Variants in ST3GAL4 observed in about 807,000 individuals in gnomAD.
ST3GAL4 encodes the protein ST3 beta-galactoside alpha-2,3-sialyltransferase 4.
Under a neutral mutation model 42.6 loss-of-function variants are expected in ST3GAL4, and 24 were observed. The observed-to-expected ratio is 0.56, with a 90% CI of 0.41 to 0.79. The LOEUF is 0.79. ST3GAL4 is among the 30% of genes least tolerant of loss of function. The probability of loss-of-function intolerance (pLI) is 0.00; values close to 1 mark genes in which losing one functional copy is unlikely to be tolerated. For synonymous variants in ST3GAL4, 135 were observed against 163.2 expected (o/e 0.83, Z 1.32); for missense variants, 311 against 430.8 (o/e 0.72, Z 2.46).
chr11:126,396,686 G>A lies in ST3GAL4; in HGVS notation c.-60-9410G>A, dbSNP rs1178045620. Among the ~76,000 whole-genome samples, 1 of 151,282 alleles carries A rather than the reference G, an allele frequency of 6.6e-6. No individual in the cohort carries two copies. The highest frequency in any genetic ancestry group is 1.5e-5 in the Non-Finnish European group (1 of 67,922). On this transcript the variant is annotated intron_variant, in intron 1 of 10. Transcript: ENST00000444328. The surrounding 1 kb of genome is among the most constrained non-coding windows in gnomAD (Gnocchi z 5.8). ...ACATCCCGGGGATCGTGGAGTCTAG[G>A]GAGCCAGTCTGCACGGGATGGTTTT...
In ST3GAL4 at chr11:126,396,488, C is replaced by T. The variant is rs185240859; in HGVS notation, c.-60-9608C>T. ...TGAATACAGCTGTGTGCCTTGAACA[C>T]GTACTGCAGAGCTTCCAGAGAGCAC... On this transcript the variant is annotated intron_variant, in intron 1 of 10. Coordinates refer to ENST00000444328, the MANE Select transcript of ST3GAL4 (RefSeq NM_001254757.2). The surrounding 1 kb of genome is among the most constrained non-coding windows in gnomAD (Gnocchi z 5.8). Among the ~76,000 whole-genome samples the T allele has an allele frequency of 2.2e-4, 34 of 152,086 alleles. No individual in the cohort carries two copies. Among genetic ancestry groups the T allele is most frequent in the African/African-American group, 6.5e-4 (27 of 41,360 alleles).
At chr11:126,358,377 T>C in intron 1 of ST3GAL4, 1 of 383,652 alleles carries the variant, frequency 2.6e-6, no homozygotes, top group Non-Finnish European at 5.3e-6. Context: ...GGGTGACTCT[T>C]GTTATTAACC....
chr11:126,405,207 G>A (rs1954170420), intron 1 of ST3GAL4, among the ~76,000 whole-genome samples: 1 of 152,244 alleles, frequency 6.6e-6, no homozygotes, highest in African/African-American at 2.4e-5. Context: ...GGCATCTGGT[G>A]CCTCTGTGTG....
Position 126,406,345 on chromosome 11 carries a change from G to A in ST3GAL4, c.17-128G>A. On this transcript the variant is annotated intron_variant, in intron 2 of 10. Transcript: ENST00000444328. The surrounding 1 kb of genome is among the most constrained non-coding windows in gnomAD (Gnocchi z 5.4). The stretch of plus-strand genomic sequence containing the variant: ...GGGTCAAGCCCTCAGCCAGGGCCAG[G>A]AGAGGGCCAGAGACTGCTTCTGTTG... The A allele has an allele frequency of 6.4e-7, 1 of 1,551,302 alleles. No individual in the cohort carries two copies. The highest frequency in any genetic ancestry group is 8.7e-7 in the Non-Finnish European group (1 of 1,148,094).
At position 126,378,942 on chromosome 11, in the gene ST3GAL4, C is replaced by T. The variant is rs768723267; in HGVS notation, c.-61+23100C>T. Among the ~76,000 whole-genome samples, 1 of 152,196 alleles carries T rather than the reference C, an allele frequency of 6.6e-6. No individual in the cohort carries two copies. The highest frequency in any genetic ancestry group is 1.5e-5 in the Non-Finnish European group (1 of 68,042). ...TTGAGTACAGAGGGATTCTGGAACA[C>T]TGCCCAGATTTGGCCCAGTTCCATT... On this transcript the variant is annotated intron_variant, in intron 1 of 10. Transcript: ENST00000444328. This position sits in a 1 kb window ranked among gnomAD's most constrained non-coding sequence, Gnocchi z 5.3.
intron 1 of ST3GAL4, among the ~76,000 whole-genome samples, chr11:126,402,092 A>AGGGGCG (rs372167321): frequency 4.3e-5 from 6 of 139,044 alleles, no homozygotes; most frequent in East Asian, 2.6e-4. Flanking sequence ...TTTGGGGGAA[A>AGGGGCG]GAGGGGAGGT....
Position 126,384,695 on chromosome 11 carries a change from C to A in ST3GAL4, c.-60-21401C>A, listed in dbSNP as rs1007688145. The stretch of plus-strand genomic sequence containing the variant: ...CCACCTCCCTAGGGGCCTCCTCCCC[C>A]TCCCCTTCTGCATGCCACCACACCC... On this transcript the variant is annotated intron_variant, in intron 1 of 10. Coordinates refer to ENST00000444328, the MANE Select transcript of ST3GAL4 (RefSeq NM_001254757.2). This position sits in a 1 kb window ranked among gnomAD's most constrained non-coding sequence, Gnocchi z 5.5. 1 of 985,278 alleles carries A rather than the reference C, an allele frequency of 1.0e-6. No individual in the cohort carries two copies. Among genetic ancestry groups the A allele is most frequent in the Non-Finnish European group, 1.2e-6 (1 of 829,926 alleles). 61.0% of individuals were successfully genotyped at this position (985,278 alleles called of 1,614,324 possible).
At chr11:126,360,163 G>C (rs1952198289) in intron 1 of ST3GAL4, among the ~76,000 whole-genome samples, 1 of 152,242 alleles carries the variant, frequency 6.6e-6, no homozygotes, top group Admixed American at 6.5e-5. Flanking sequence ...TGCTCAGGTT[G>C]GGAGGAGGGA....
At position 126,386,443 on chromosome 11, in the gene ST3GAL4, G is replaced by A. The variant is rs529092548; in HGVS notation, c.-60-19653G>A. ...CCTCACAGTCTGGGGAGGCCTTGGGGTCCCCAGCCTGTGCTGGGACAGGGG... is the reference window on the plus strand; with the variant it reads ...CCTCACAGTCTGGGGAGGCCTTGGGATCCCCAGCCTGTGCTGGGACAGGGG... On this transcript the variant is annotated intron_variant, in intron 1 of 10. Transcript: ENST00000444328. The surrounding 1 kb of genome is among the most constrained non-coding windows in gnomAD (Gnocchi z 4.7). 6.6e-6 allele frequency among the ~76,000 whole-genome samples: 1 copy of A among 152,204 alleles called. No individual in the cohort carries two copies. The highest frequency in any genetic ancestry group is 1.5e-5 in the Non-Finnish European group (1 of 68,010).
rs561808842 is a variant in ST3GAL4, at chr11:126,386,248, G to A, written c.-60-19848G>A. 3.9e-5 allele frequency among the ~76,000 whole-genome samples: 6 copies of A among 152,182 alleles called. No homozygotes were observed. The highest frequency in any genetic ancestry group is 2.6e-4 in the Admixed American group (4 of 15,290). On this transcript the variant is annotated intron_variant, in intron 1 of 10. Coordinates refer to ENST00000444328, the MANE Select transcript of ST3GAL4 (RefSeq NM_001254757.2). This position sits in a 1 kb window ranked among gnomAD's most constrained non-coding sequence, Gnocchi z 4.7. ...GTGGTCCTGTGGTTGTCATTGCCCCGTCATCTCCACCATTTCCTGTTTGCC... is the reference window on the plus strand; with the variant it reads ...GTGGTCCTGTGGTTGTCATTGCCCCATCATCTCCACCATTTCCTGTTTGCC...
At chr11:126,385,837 C>A (rs1344636306) in intron 1 of ST3GAL4, among the ~76,000 whole-genome samples, 2 of 151,610 alleles carry the variant, frequency 1.3e-5, no homozygotes, top group Admixed American at 1.3e-4. Flanking sequence ...CATAGTAAGA[C>A]CTTGTCTCAA....
Position 126,406,649 on chromosome 11 carries a change from G to T in ST3GAL4, c.101+92G>T. On this transcript the variant is annotated intron_variant, in intron 3 of 10. Transcript: ENST00000444328. The surrounding 1 kb of genome is among the most constrained non-coding windows in gnomAD (Gnocchi z 5.4). ...TGGAGCGGGGGACCTAGTAGGGCAG[G>T]AAGGTTCCAAGAGCCGGCACATGAC... is the stretch of plus-strand genomic sequence containing the variant. 6.6e-7 allele frequency: 1 copy of T among 1,505,474 alleles called. No individual in the cohort carries two copies. The highest frequency in any genetic ancestry group is 1.2e-5 in the South Asian group (1 of 86,372). The allele number at this position is 1,505,474 out of a possible 1,614,324, so 93.3% of individuals were successfully genotyped here.
At chr11:126,377,893 C>A (rs2135430573) in intron 1 of ST3GAL4, among the ~76,000 whole-genome samples, 1 of 152,322 alleles carries the variant, frequency 6.6e-6, no homozygotes, top group Non-Finnish European at 1.5e-5. Context: ...GATTGTACTG[C>A]TTAAGATAAT....
intron 1 of ST3GAL4, among the ~76,000 whole-genome samples, chr11:126,405,261 G>C (rs1428983613): frequency 6.6e-6 from 1 of 152,256 alleles, no homozygotes; most frequent in East Asian, 1.9e-4. Context: ...ACTGCAGCGT[G>C]GCCCTGGCTG....
rs565695769 is a variant in ST3GAL4, at chr11:126,359,681, G to T, written c.-61+3839G>T. On this transcript the variant is annotated intron_variant, in intron 1 of 10. Transcript: ENST00000444328. The surrounding 1 kb of genome is among the most constrained non-coding windows in gnomAD (Gnocchi z 4.8). ...CGGGCCGTACCCTGAGCACACGCTTGTCCGCTTTCTCAGCTGGGCGGGGCG... is the reference window on the plus strand; with the variant it reads ...CGGGCCGTACCCTGAGCACACGCTTTTCCGCTTTCTCAGCTGGGCGGGGCG... 1.3e-5 allele frequency among the ~76,000 whole-genome samples: 2 copies of T among 152,336 alleles called. No individual in the cohort carries two copies. The highest frequency in any genetic ancestry group is 4.8e-5 in the African/African-American group (2 of 41,576).
At chr11:126,371,074 TTAGA>T (rs1428649658) in intron 1 of ST3GAL4, among the ~76,000 whole-genome samples, 2 of 151,978 alleles carry the variant, frequency 1.3e-5, no homozygotes, top group African/African-American at 2.4e-5. Context: ...TTATCCCATA[TTAGA>T]TATTTTTTCC....
intron 1 of ST3GAL4, among the ~76,000 whole-genome samples, chr11:126,402,094 A>AGGGGG (rs1555090127): frequency 1.4e-5 from 2 of 140,732 alleles, no homozygotes; most frequent in Non-Finnish European, 3.1e-5. Context: ...TGGGGGAAAG[A>AGGGGG]GGGGAGGTAG....
In ST3GAL4 at chr11:126,355,727, G is replaced by C. The variant is rs1222955651; in HGVS notation, c.-176G>C. On this transcript the variant is annotated 5_prime_UTR_variant, in exon 1 of 11. Coordinates refer to ENST00000444328, the MANE Select transcript of ST3GAL4 (RefSeq NM_001254757.2). This position sits in a 1 kb window ranked among gnomAD's most constrained non-coding sequence, Gnocchi z 7.1. ...GCTCCCAGGCCGGACCCGCGCCCGG[G>C]ACAGGGACCCGGCCGAGTCGAGCCG... The C allele has an allele frequency of 1.3e-5, 2 of 151,770 alleles. No individual in the cohort carries two copies. The highest frequency in any genetic ancestry group is 2.9e-5 in the Non-Finnish European group (2 of 67,846). The allele number at this position is 151,770 out of a possible 1,614,324, so 9.4% of individuals were successfully genotyped here.
rs1245047387 is a variant in ST3GAL4 at position 126,398,949 on chromosome 11, C to T, written c.-60-7147C>T. On this transcript the variant is annotated intron_variant, in intron 1 of 10. Transcript: ENST00000444328. The surrounding 1 kb of genome is among the most constrained non-coding windows in gnomAD (Gnocchi z 4.7). The stretch of plus-strand genomic sequence containing the variant: ...CCACAGGTCCTGAGGGCTCCCAAGA[C>T]CTGGCTTTTGACATAGTTCCTTCCC... Among the ~76,000 whole-genome samples the T allele has an allele frequency of 1.3e-5, 2 of 152,186 alleles. No individual in the cohort carries two copies. The highest frequency in any genetic ancestry group is 4.8e-5 in the African/African-American group (2 of 41,428).
Sources: allele counts gnomAD v4.1 joint callset (sites outside exome capture counted in the v4.1 genomes callset), GRCh38; gene constraint gnomAD v4.1.1; non-coding constraint Gnocchi (gnomAD v3.1); transcripts MANE v1.5; gene names NCBI Gene and HGNC (gene_info 2026-07-23, HGNC 2026-07-21).